CSMD3: variants seen among roughly 807,000 people sequenced by gnomAD.
The protein encoded by CSMD3 is CUB and sushi domain-containing protein 3.
CSMD3 carries 177 observed loss-of-function variants against 435.2 expected under a neutral mutation model. The observed-to-expected ratio is 0.41, with a 90% CI of 0.36 to 0.46. CSMD3 has a LOEUF of 0.46. CSMD3 is among the 20% of genes least tolerant of loss of function. The pLI is 0.34. For synonymous variants in CSMD3, 1,656 were observed against 1,520.5 expected, an observed-to-expected ratio of 1.09 and a Z score of -2.07; for missense variants, 4,265 against 4,504.6, an observed-to-expected ratio of 0.95 and a Z score of 1.52.
intron 22 of CSMD3, among the ~76,000 whole-genome samples, chr8:112,604,934 CA>C (rs34732376): frequency 0.58 from 87,509 of 151,798 alleles, 25,788 homozygotes; most frequent in African/African-American, 0.69. Context: ...TGTTAGCAAG[CA>C]AAAAAACAGA....
At chr8:113,073,852 T>C (rs2089233511) in intron 5 of CSMD3, among the ~76,000 whole-genome samples, 1 of 151,898 alleles carries the variant, frequency 6.6e-6, no homozygotes, top group Non-Finnish European at 1.5e-5. Context: ...CTTGTCATCC[T>C]AATTAATTAC....
intron 5 of CSMD3, among the ~76,000 whole-genome samples, chr8:113,020,559 T>C (rs2086651346): frequency 6.6e-6 from 1 of 152,196 alleles, no homozygotes; most frequent in Non-Finnish European, 1.5e-5. Flanking sequence ...AAAGCAAGGC[T>C]ATTACATAGT....
In CSMD3 at chr8:113,105,701, T is replaced by G. The variant is rs542998352; in HGVS notation, c.710-6738A>C. The stretch of plus-strand genomic sequence containing the variant: ...GCACTTCAGTAGAGAGGGTAAACTA[T>G]GCCTAGAGTTAAGGCCACTTAAAAA... On this transcript the variant is annotated intron_variant, in intron 4 of 70. Coordinates refer to ENST00000297405, the MANE Select transcript of CSMD3 (RefSeq NM_198123.2). Among the ~76,000 whole-genome samples, 3 of 152,270 alleles carry G rather than the reference T, an allele frequency of 2.0e-5. No homozygotes were observed. The South Asian group carries it at 6.2e-4, about 32-fold the overall frequency.
intron 70 of CSMD3, among the ~76,000 whole-genome samples, chr8:112,226,665 A>C (rs1812587602): frequency 6.6e-6 from 1 of 152,190 alleles, no homozygotes; most frequent in Admixed American, 6.5e-5. Context: ...TATATCTAAT[A>C]AGGGCCTAGT....
chr8:112,804,325 TAAATTA>T (rs2079029309), intron 12 of CSMD3, among the ~76,000 whole-genome samples: 2 of 90,398 alleles, frequency 2.2e-5, no homozygotes, highest in Non-Finnish European at 6.4e-5. Context: ...AAGAAGAAAA[TAAATTA>T]AAAAAAAAAC....
At chr8:112,394,189 A>T (rs1017680418) in intron 35 of CSMD3, among the ~76,000 whole-genome samples, 1 of 152,158 alleles carries the variant, frequency 6.6e-6, no homozygotes, top group Non-Finnish European at 1.5e-5. Context: ...TCTTTCTTGC[A>T]GTCAAGTTTA....
intron 3 of CSMD3, among the ~76,000 whole-genome samples, chr8:113,273,606 T>C (rs1184793167): frequency 6.6e-6 from 1 of 152,152 alleles, no homozygotes; most frequent in African/African-American, 2.4e-5. Context: ...ACTGTATATA[T>C]GGTTTGGTAC....
chr8:112,419,740 T>C (rs566721803), intron 32 of CSMD3, among the ~76,000 whole-genome samples: 1 of 152,298 alleles, frequency 6.6e-6, no homozygotes, highest in African/African-American at 2.4e-5. Flanking sequence ...AACCATCTTA[T>C]AAGCAAATAT....
At chr8:112,728,086 G>A (rs16883997) in intron 13 of CSMD3, among the ~76,000 whole-genome samples, 3,842 of 151,532 alleles carry the variant, frequency 0.025, 77 homozygotes, top group East Asian at 0.074. Flanking sequence ...AGTTAATTAG[G>A]GGTAGTCATG....
At chr8:113,034,700 G>C (rs915786420) in intron 5 of CSMD3, among the ~76,000 whole-genome samples, 2 of 152,064 alleles carry the variant, frequency 1.3e-5, no homozygotes, top group African/African-American at 4.8e-5. Flanking sequence ...TTATATCTCA[G>C]CAAAGGTGTC....
chr8:113,020,072 A>C lies in CSMD3; in HGVS notation c.918-893T>G, dbSNP rs570495053. Among the ~76,000 whole-genome samples, 23 of 147,622 alleles carry C rather than the reference A, an allele frequency of 1.6e-4. No individual in the cohort carries two copies. In the East Asian group the frequency reaches 3.8e-3, roughly 25 times the overall value. ...CAGCTACTCGGGAGGCTGAGGCAGG[A>C]GAATGGCGTGAACCCGGGAAGCGGA... is the stretch of plus-strand genomic sequence containing the variant. On this transcript the variant is annotated intron_variant, in intron 5 of 70. Transcript: ENST00000297405.
At position 112,931,125 on chromosome 8, in the gene CSMD3, C is replaced by T. The variant is rs527317336; in HGVS notation, c.1509-9374G>A. Among the ~76,000 whole-genome samples, 754 of 151,994 alleles carry T rather than the reference C, an allele frequency of 5.0e-3. 1 individual carries two copies. Among genetic ancestry groups the T allele is most frequent in the African/African-American group, 0.016 (669 of 41,488 alleles). On this transcript the variant is annotated intron_variant, in intron 9 of 70. Coordinates refer to ENST00000297405, the MANE Select transcript of CSMD3 (RefSeq NM_198123.2). ...TTAGCTTTTTATTAAAATAAATCTG[C>T]CAAAGCAAACATACCTTAAATACTT...
intron 27 of CSMD3, among the ~76,000 whole-genome samples, chr8:112,531,807 AGACATT>A (rs1247560399): frequency 6.6e-6 from 1 of 152,150 alleles, no homozygotes; most frequent in Non-Finnish European, 1.5e-5. Flanking sequence ...TGAAATGCCC[AGACATT>A]GATTGACACA....
At chr8:112,768,924 C>A (rs1314956544) in intron 13 of CSMD3, among the ~76,000 whole-genome samples, 4 of 151,866 alleles carry the variant, frequency 2.6e-5, no homozygotes, top group Admixed American at 2.6e-4. Context: ...GCATTTGGCA[C>A]AATAGATCAT....
chr8:112,321,474 T>C (rs1441086617), intron 45 of CSMD3, among the ~76,000 whole-genome samples: 1 of 152,160 alleles, frequency 6.6e-6, no homozygotes, highest in African/African-American at 2.4e-5. Context: ...TGAAGAGTGA[T>C]CCTGGGGAGA....
intron 64 of CSMD3, among the ~76,000 whole-genome samples, chr8:112,246,099 T>A: frequency 7.0e-6 from 1 of 142,474 alleles, no homozygotes; most frequent in Admixed American, 6.9e-5. Context: ...AAAGTACACA[T>A]TCTGAGGAAT....
chr8:112,438,560 T>TG lies in CSMD3; in HGVS notation c.5396-29529dup, dbSNP rs201194894. On this transcript the variant is annotated intron_variant, in intron 32 of 70. Coordinates refer to ENST00000297405, the MANE Select transcript of CSMD3 (RefSeq NM_198123.2). ...ATTTGAAATATGAAGCAACTGGGTA[T>TG]GGCAGAGCAATAGTTACTTTAAAAA... is the stretch of plus-strand genomic sequence containing the variant. Among the ~76,000 whole-genome samples the TG allele has an allele frequency of 8.0e-3, 1,220 of 152,256 alleles. 23 individuals carry two copies. The highest frequency in any genetic ancestry group is 0.027 in the African/African-American group (1,133 of 41,550).
In CSMD3 at chr8:113,089,569, G is replaced by A. The variant is rs114947557; in HGVS notation, c.917+9187C>T. Reference sequence around the variant, plus strand: ...CCCTGAAATTTTTTATTGCAAGAGAGATAATAAAGGGATATTAATTTTTTA... The same window carrying A: ...CCCTGAAATTTTTTATTGCAAGAGAAATAATAAAGGGATATTAATTTTTTA... On this transcript the variant is annotated intron_variant, in intron 5 of 70. Transcript: ENST00000297405. 8.5e-3 allele frequency among the ~76,000 whole-genome samples: 1,296 copies of A among 152,184 alleles called. 22 individuals are homozygous for A. The highest frequency in any genetic ancestry group is 0.029 in the African/African-American group (1,215 of 41,536).
intron 4 of CSMD3, among the ~76,000 whole-genome samples, chr8:113,115,082 C>G (rs1437921480): frequency 1.3e-5 from 2 of 152,148 alleles, no homozygotes; most frequent in African/African-American, 4.8e-5. Flanking sequence ...TTTTAACAAG[C>G]CTTCCAGGTG....
Sources: allele counts gnomAD v4.1 joint callset (sites outside exome capture counted in the v4.1 genomes callset), GRCh38; gene constraint gnomAD v4.1.1; transcripts MANE v1.5; gene names NCBI Gene and HGNC (gene_info 2026-07-23, HGNC 2026-07-21).